The following CRADD variants were observed in gnomAD, a reference collection of about 807,000 sequenced individuals.
CRADD encodes the protein CARD and death domain containing adaptor protein.
Under a neutral mutation model 15.5 loss-of-function variants are expected in CRADD, and 9 were observed. The ratio of observed to expected loss-of-function variants is 0.58; its 90% confidence interval spans 0.35 to 1.01. The LOEUF is 1.01. Ranked by LOEUF, CRADD falls within the 50% of genes least tolerant of loss-of-function variation. CRADD has a pLI of 0.02. For synonymous variants in CRADD, 118 were observed against 107.6 expected (o/e 1.10, Z -0.60); for missense variants, 227 against 250.3 (o/e 0.91, Z 0.63).
At chr12:93,852,551 A>G (rs1958236065), downstream of CRADD, among the ~76,000 whole-genome samples, 2 of 152,234 alleles carry the variant, frequency 1.3e-5, no homozygotes, top group Non-Finnish European at 1.5e-5. Context: ...ACGTGCTTGC[A>G]GAAGATTTGC....
Position 93,821,581 on chromosome 12 carries a change from A to G in CRADD, c.299-28389A>G, listed in dbSNP as rs771126130. On this transcript the variant is annotated intron_variant, in intron 2 of 2. Coordinates refer to ENST00000332896, the MANE Select transcript of CRADD (RefSeq NM_003805.5). ...CGTGCCTTTTAGTTGTTTTGCTTAT[A>G]TCTGTTGCCACATGAAAATTGGAAC... 3.5e-4 allele frequency among the ~76,000 whole-genome samples: 53 copies of G among 152,354 alleles called. No individual in the cohort carries two copies. In the Middle Eastern group the frequency reaches 0.01, roughly 30 times the overall value.
chr12:93,858,221 A>G (rs1217874010), intron 2 of CRADD, among the ~76,000 whole-genome samples: 1 of 152,252 alleles, frequency 6.6e-6, no homozygotes, highest in Non-Finnish European at 1.5e-5. Flanking sequence ...ATACACCAGT[A>G]AATTAGGATA....
chr12:93,818,279 G>A (rs1957730161), intron 2 of CRADD, among the ~76,000 whole-genome samples: 1 of 152,194 alleles, frequency 6.6e-6, no homozygotes, highest in Non-Finnish European at 1.5e-5. Flanking sequence ...TTAGATTATT[G>A]CTGAAAATCT....
In CRADD at chr12:93,678,878, T is replaced by C; in HGVS notation, c.104T>C (p.Ile35Thr). 1 of 1,614,164 alleles carries C rather than the reference T, an allele frequency of 6.2e-7. No individual in the cohort carries two copies. Among genetic ancestry groups the C allele is most frequent in the Non-Finnish European group, 8.5e-7 (1 of 1,180,018 alleles). Reference protein sequence around the residue: ...LVLQYLYQEGILTENHIQEIN... With the variant: ...LVLQYLYQEGTLTENHIQEIN... ...CTTCAGTACCTCTACCAGGAAGGAA[T>C]CTTGACGGAAAACCATATTCAAGAA... is the stretch of plus-strand genomic sequence containing the variant. Residue 35 changes from isoleucine (I) to threonine (T), a missense_variant, in exon 2 of 3, where the codon ATC (isoleucine) becomes ACC (threonine). Physicochemically the swap from Ile to Thr is moderately conservative, Grantham distance 89 (BLOSUM62 -1). Coordinates refer to ENST00000332896, the MANE Select transcript of CRADD (RefSeq NM_003805.5).
At chr12:93,810,188 G>A (rs570711442) in intron 2 of CRADD, among the ~76,000 whole-genome samples, 7 of 152,226 alleles carry the variant, frequency 4.6e-5, no homozygotes, top group East Asian at 1.9e-4. Flanking sequence ...GAAAGCTGGC[G>A]TGACTAATGT....
At chr12:93,734,232 A>G (rs1263271303) in intron 2 of CRADD, among the ~76,000 whole-genome samples, 1 of 152,198 alleles carries the variant, frequency 6.6e-6, no homozygotes, top group Non-Finnish European at 1.5e-5. Flanking sequence ...GTAGTAAAAT[A>G]GTCAAAGTCC....
intron 2 of CRADD, among the ~76,000 whole-genome samples, chr12:93,717,801 A>G (rs1331868006): frequency 6.6e-6 from 1 of 152,158 alleles, no homozygotes; most frequent in African/African-American, 2.4e-5. Context: ...GATTACAGGT[A>G]TGAGCCGCCG....
chr12:93,733,928 G>A (rs1236604920), intron 2 of CRADD, among the ~76,000 whole-genome samples: 1 of 151,930 alleles, frequency 6.6e-6, no homozygotes, highest in Non-Finnish European at 1.5e-5. Context: ...GAGGAGACAG[G>A]GTTTTGCCAT....
chr12:93,838,218 T>TG (rs967758661), intron 2 of CRADD, among the ~76,000 whole-genome samples: 6 of 148,918 alleles, frequency 4.0e-5, no homozygotes, highest in African/African-American at 1.3e-4. Context: ...TTTGAGGTTT[T>TG]TTTTTTTTTT....
intron 2 of CRADD, among the ~76,000 whole-genome samples, chr12:93,876,045 C>G (rs1171318857): frequency 1.3e-5 from 2 of 152,086 alleles, no homozygotes; most frequent in African/African-American, 4.8e-5. Flanking sequence ...CTTTATTTCT[C>G]TTTCATATTT....
chr12:93,680,075 T>C (rs1206119205), intron 2 of CRADD, among the ~76,000 whole-genome samples: 1 of 152,216 alleles, frequency 6.6e-6, no homozygotes, highest in Non-Finnish European at 1.5e-5. Context: ...GTTCTGGTTC[T>C]GTTAGCCTGG....
At chr12:93,752,823 CA>C (rs1956842619) in intron 2 of CRADD, among the ~76,000 whole-genome samples, 1 of 152,114 alleles carries the variant, frequency 6.6e-6, no homozygotes, top group Non-Finnish European at 1.5e-5. Flanking sequence ...GGGCAATTTA[CA>C]AAAGGAAGAG....
chr12:93,811,057 C>T (rs919234468), intron 2 of CRADD, among the ~76,000 whole-genome samples: 2 of 149,916 alleles, frequency 1.3e-5, no homozygotes, highest in South Asian at 2.1e-4. Context: ...TTAGCCCCCC[C>T]TCCTGGAACA....
At position 93,879,866 on chromosome 12, in the gene CRADD, G is replaced by A. The variant is rs139169607; in HGVS notation, c.299-14184G>A. On this transcript the variant is annotated intron_variant, in intron 2 of 2. Transcript: ENST00000548483. ...TGGCACTTCGACTATCTTGTCAAGC[G>A]TCCTACAATACACTTCTACCCTGTC... 2.6e-4 allele frequency among the ~76,000 whole-genome samples: 40 copies of A among 152,294 alleles called. 2 individuals are homozygous for A. The East Asian group carries it at 6.0e-3, about 23-fold the overall frequency.
intron 2 of CRADD, among the ~76,000 whole-genome samples, chr12:93,745,293 A>G (rs909601739): frequency 1.3e-5 from 2 of 152,220 alleles, no homozygotes; most frequent in Middle Eastern, 3.2e-3. Context: ...TGAATTACAT[A>G]TGGGCAAATT....
intron 2 of CRADD, among the ~76,000 whole-genome samples, chr12:93,683,516 C>A (rs578187460): frequency 6.6e-6 from 1 of 152,336 alleles, no homozygotes; most frequent in Non-Finnish European, 1.5e-5. Context: ...CTGACACTTG[C>A]TTCAACCTTC....
intron 2 of CRADD, among the ~76,000 whole-genome samples, chr12:93,690,035 T>C (rs1023171011): frequency 2.3e-4 from 35 of 152,212 alleles, no homozygotes; most frequent in African/African-American, 8.2e-4. Context: ...CTGAAATATA[T>C]TGGGTAGTTC....
chr12:93,884,516 C>T (rs952296579), intron 2 of CRADD, among the ~76,000 whole-genome samples: 1 of 152,160 alleles, frequency 6.6e-6, no homozygotes, highest in African/African-American at 2.4e-5. Context: ...CACCTGCACA[C>T]AGGGAGGACG....
chr12:93,853,741 G>A (rs1256537680), downstream of CRADD, among the ~76,000 whole-genome samples: 1 of 152,188 alleles, frequency 6.6e-6, no homozygotes, highest in African/African-American at 2.4e-5. Context: ...AAGAGTACGT[G>A]TTCTGGGAGG....
Sources: gnomAD v4.1 joint callset for allele counts (sites outside exome capture counted in the v4.1 genomes callset) on GRCh38, gnomAD v4.1.1 for gene constraint, MANE v1.5 for transcripts, NCBI Gene and HGNC (gene_info 2026-07-23, HGNC 2026-07-21) for gene names.